Variants in CPT1A observed in about 807,000 individuals in gnomAD.
The protein encoded by CPT1A is carnitine palmitoyltransferase 1A.
In CPT1A, 64 loss-of-function variants were observed where a neutral mutation model predicts 100.8. That is an observed-to-expected ratio of 0.63 (90% confidence interval 0.52 to 0.78). CPT1A has a LOEUF of 0.78. CPT1A is among the 30% of genes least tolerant of loss of function. The pLI is 0.00. For missense variants in CPT1A, 802 were observed against 1,034.1 expected, an observed-to-expected ratio of 0.78 and a Z score of 3.08; for synonymous variants, 363 against 396.0, an observed-to-expected ratio of 0.92 and a Z score of 0.99.
Position 68,780,649 on chromosome 11 carries a change from G to T in CPT1A, c.1449C>A (p.His483Gln), listed in dbSNP as rs1165511243. 1.5e-5 allele frequency: 25 copies of T among 1,613,854 alleles called. No individual in the cohort carries two copies. The highest frequency in any genetic ancestry group is 1.9e-5 in the Non-Finnish European group (23 of 1,179,856). The stretch of plus-strand genomic sequence containing the variant: ...AAGTGTGAAAACTCACCTCCCAAAG[G>T]TGGGCCACGATCGGCGCATCTGCCC... ...HSWADAPIVAHLWEYVMSIDS... is the reference protein window; with the variant it reads ...HSWADAPIVAQLWEYVMSIDS... Residue 483 changes from histidine (H) to glutamine (Q), a missense_variant, in exon 12 of 19, where the codon CAC becomes CAA. Physicochemically the swap from His to Gln is conservative, Grantham distance 24. Coordinates refer to ENST00000265641, the MANE Select transcript of CPT1A (RefSeq NM_001876.4).
intron 1 of CPT1A, among the ~76,000 whole-genome samples, chr11:68,831,483 T>C (rs1176691624): frequency 6.6e-6 from 1 of 152,158 alleles, no homozygotes; most frequent in African/African-American, 2.4e-5. Flanking sequence ...GCAACTGAAA[T>C]ATGTAAATAA....
At chr11:68,786,416 G>T (rs1002139007) in intron 9 of CPT1A, among the ~76,000 whole-genome samples, 2 of 152,190 alleles carry the variant, frequency 1.3e-5, no homozygotes, top group Non-Finnish European at 2.9e-5. Context: ...AGAAAGTGTA[G>T]GACTAGGACC....
At chr11:68,823,906 C>T (rs1408980392) in intron 1 of CPT1A, among the ~76,000 whole-genome samples, 1 of 152,078 alleles carries the variant, frequency 6.6e-6, no homozygotes, top group East Asian at 1.9e-4. Flanking sequence ...ACCGCATGTT[C>T]TCACCTATAA....
At chr11:68,785,118 G>A (rs1268948731) in intron 9 of CPT1A, 108 bp from the exon 10 acceptor site, 7 of 895,840 alleles carry the variant, frequency 7.8e-6, no homozygotes, top group East Asian at 5.1e-5. Flanking sequence ...CCTGCTCTGC[G>A]TCTCTCCAGG....
At chr11:68,824,665 C>G (rs1311263100) in intron 1 of CPT1A, among the ~76,000 whole-genome samples, 2 of 152,178 alleles carry the variant, frequency 1.3e-5, no homozygotes, top group African/African-American at 4.8e-5. Context: ...TCAAGCAATC[C>G]TCCTGCCTCA....
At chr11:68,759,737 T>C in intron 17 of CPT1A, 76 bp from the exon 18 acceptor site, 1 of 1,097,442 alleles carries the variant, frequency 9.1e-7, no homozygotes, top group South Asian at 1.3e-5. Context: ...ATGTTCTAAA[T>C]GCAACACTGG....
At chr11:68,803,345 A>C (rs1186928761) in intron 5 of CPT1A, among the ~76,000 whole-genome samples, 1 of 152,196 alleles carries the variant, frequency 6.6e-6, no homozygotes, top group Non-Finnish European at 1.5e-5. Context: ...AGAAGTTACT[A>C]GGTGGGGGGA....
At chr11:68,797,411 C>T (rs914643462) in intron 6 of CPT1A, among the ~76,000 whole-genome samples, 1 of 152,182 alleles carries the variant, frequency 6.6e-6, no homozygotes, top group African/African-American at 2.4e-5. Context: ...TGGCTCACAC[C>T]TGTAATCTCA....
At chr11:68,824,379 T>A (rs1211969549) in intron 1 of CPT1A, among the ~76,000 whole-genome samples, 1 of 152,076 alleles carries the variant, frequency 6.6e-6, no homozygotes, top group Non-Finnish European at 1.5e-5. Flanking sequence ...TTCCCTTTCA[T>A]GGAGGGCACT....
chr11:68,778,553 G>A (rs1439798900), intron 12 of CPT1A, among the ~76,000 whole-genome samples: 2 of 151,720 alleles, frequency 1.3e-5, no homozygotes, highest in African/African-American at 4.8e-5. Context: ...AAAATTATCC[G>A]GGCATGGTGG....
chr11:68,775,343 G>A lies in CPT1A; in HGVS notation c.1548C>T (p.Thr516=), dbSNP rs368492777. The change falls in exon 13 of 19, where the codon ACC becomes ACT. Residue 516 remains threonine, a synonymous_variant. Coordinates refer to ENST00000265641, the MANE Select transcript of CPT1A (RefSeq NM_001876.4). The stretch of plus-strand genomic sequence containing the variant: ...CCCCCGGGATGTCCCACTGCAGCCT[G>A]GTGGGGTACGGAATGTTCGGATTGA... The part of the protein sequence containing the change: ...GDINPNIPYP[T]RLQWDIPGEC... 1 of 1,613,870 alleles carries A rather than the reference G, an allele frequency of 6.2e-7. No individual in the cohort carries two copies. Among genetic ancestry groups the A allele is most frequent in the African/African-American group, 1.3e-5 (1 of 74,936 alleles).
At chr11:68,788,560 C>G (rs1855525277) in intron 9 of CPT1A, among the ~76,000 whole-genome samples, 1 of 145,714 alleles carries the variant, frequency 6.9e-6, no homozygotes, top group Non-Finnish European at 1.5e-5. Context: ...GATTGCACCA[C>G]TGCACTCCAG....
intron 15 of CPT1A, 56 bp downstream of exon 15, chr11:68,762,571 A>G: frequency 1.2e-6 from 2 of 1,606,202 alleles, no homozygotes; most frequent in Admixed American, 3.3e-5. Flanking sequence ...GGCCTCCAGA[A>G]GCCTTTTAGG....
intron 9 of CPT1A, among the ~76,000 whole-genome samples, chr11:68,789,813 T>C (rs1026386121): frequency 3.6e-4 from 55 of 152,244 alleles, no homozygotes; most frequent in African/African-American, 1.3e-3. Flanking sequence ...AGGATCTTCA[T>C]GGTTTTCTGG....
Position 68,779,697 on chromosome 11 carries a change from G to A in CPT1A, c.1458+943C>T, listed in dbSNP as rs1855251659. On this transcript the variant is annotated intron_variant, in intron 12 of 18. Coordinates refer to ENST00000265641, the MANE Select transcript of CPT1A (RefSeq NM_001876.4). ...TGTAGTCCCAGCTACTTGGGAGGCT[G>A]GGGTGGGAGAATGTCTTGAGCCTGG... Among the ~76,000 whole-genome samples the A allele has an allele frequency of 2.0e-5, 3 of 151,806 alleles. No individual in the cohort carries two copies. In the Middle Eastern group the frequency reaches 0.01, roughly 520 times the overall value.
At chr11:68,808,216 G>A (rs761435828) in intron 3 of CPT1A, among the ~76,000 whole-genome samples, 3 of 152,164 alleles carry the variant, frequency 2.0e-5, no homozygotes, top group Non-Finnish European at 2.9e-5. Context: ...AAAAGAGCTT[G>A]TTTTTGACTT....
chr11:68,792,939 T>C (rs756519726), intron 9 of CPT1A, among the ~76,000 whole-genome samples: 21 of 152,226 alleles, frequency 1.4e-4, no homozygotes, highest in Non-Finnish European at 3.1e-4. Flanking sequence ...TCTCAGCTAC[T>C]GGGGAGGCTA....
chr11:68,812,589 A>T lies in CPT1A; in HGVS notation c.142-13T>A. ...TGATGATGCCGTTCTAAAGACAGAC[A>T]CCCGGGCCGTGAGCGGTGTCCTCCC... On this transcript the variant is annotated splice_polypyrimidine_tract_variant and intron_variant, in intron 2 of 18. Coordinates refer to ENST00000265641, the MANE Select transcript of CPT1A (RefSeq NM_001876.4). 6 of 1,613,612 alleles carry T rather than the reference A, an allele frequency of 3.7e-6. No homozygotes were observed. The highest frequency in any genetic ancestry group is 5.1e-6 in the Non-Finnish European group (6 of 1,179,840).
chr11:68,771,890 T>A (rs1048599494), intron 14 of CPT1A, among the ~76,000 whole-genome samples: 3 of 152,290 alleles, frequency 2.0e-5, no homozygotes, highest in Non-Finnish European at 4.4e-5. Context: ...TTCTGAGGCA[T>A]AATGGGGACT....
Sources: allele counts gnomAD v4.1 joint callset (sites outside exome capture counted in the v4.1 genomes callset), GRCh38; gene constraint gnomAD v4.1.1; transcripts MANE v1.5; gene names NCBI Gene and HGNC (gene_info 2026-07-23, HGNC 2026-07-21).